The following MYO16 variants were observed in gnomAD, a reference collection of about 807,000 sequenced individuals.
MYO16 encodes unconventional myosin-XVI.
MYO16 carries 94 observed loss-of-function variants against 205.3 expected under a neutral mutation model. The observed-to-expected ratio is 0.46, with a 90% CI of 0.39 to 0.54. The LOEUF is 0.54. Among genes scored for constraint, MYO16 ranks in the 20% least tolerant of loss-of-function variants. MYO16 has a pLI of 0.00. For synonymous variants in MYO16, 988 were observed against 954.0 expected (o/e 1.04, Z -0.66); for missense variants, 2,315 against 2,387.5 (o/e 0.97, Z 0.63).
intron 1 of MYO16, among the ~76,000 whole-genome samples, chr13:108,645,859 C>T (rs758016835): frequency 5.3e-5 from 8 of 152,194 alleles, no homozygotes; most frequent in African/African-American, 1.7e-4. Context: ...GACGCTGGAT[C>T]CACAGAGGAA....
intron 7 of MYO16, among the ~76,000 whole-genome samples, chr13:108,810,161 G>T (rs1252751385): frequency 3.0e-4 from 46 of 152,164 alleles, no homozygotes; most frequent in Non-Finnish European, 2.9e-5. Flanking sequence ...CGCTAGACTT[G>T]CCTTTAATTT....
At chr13:109,205,619 T>G (rs569903149) in intron 34 of MYO16, among the ~76,000 whole-genome samples, 20 of 152,098 alleles carry the variant, frequency 1.3e-4, no homozygotes, top group Non-Finnish European at 2.5e-4. Flanking sequence ...TCCTTAGAAT[T>G]GCCAGAAAAA....
chr13:108,840,773 C>T (rs969641392), intron 9 of MYO16, among the ~76,000 whole-genome samples: 1 of 152,158 alleles, frequency 6.6e-6, no homozygotes, highest in African/African-American at 2.4e-5. Flanking sequence ...TAGACTTAAG[C>T]AATCCTTCTA....
intron 9 of MYO16, among the ~76,000 whole-genome samples, chr13:108,828,950 A>G (rs365370): frequency 0.62 from 93,739 of 152,052 alleles, 29,762 homozygotes; most frequent in Middle Eastern, 0.72. Context: ...CTTAATTTGT[A>G]TCCTTTATGA....
intron 25 of MYO16, chr13:109,054,249 G>A: frequency 6.3e-6 from 2 of 318,184 alleles, no homozygotes; most frequent in Non-Finnish European, 1.3e-5. Flanking sequence ...TTTCTTTTCA[G>A]GGCTGCACAT....
At chr13:108,544,066 CAAAAAA>C in the MYO16 span, among the ~76,000 whole-genome samples, 1 of 51,386 alleles carries the variant, frequency 1.9e-5, no homozygotes, top group Admixed American at 2.1e-4. Context: ...ACTCCGTCTC[CAAAAAA>C]AAAAAAAAAA....
chr13:109,142,396 G>A (rs1027765695), intron 32 of MYO16, among the ~76,000 whole-genome samples: 3 of 151,398 alleles, frequency 2.0e-5, no homozygotes, highest in Non-Finnish European at 2.9e-5. Flanking sequence ...TCCCCCACTC[G>A]CCTCCAGGTG....
chr13:109,043,581 G>A (rs541403252), intron 23 of MYO16, among the ~76,000 whole-genome samples: 1 of 152,262 alleles, frequency 6.6e-6, no homozygotes, highest in Admixed American at 6.5e-5. Context: ...TTGCATTAAA[G>A]TGAGGATGTA....
chr13:109,103,130 GA>G (rs1889022075), intron 28 of MYO16, among the ~76,000 whole-genome samples: 1 of 151,730 alleles, frequency 6.6e-6, no homozygotes, highest in East Asian at 1.9e-4. Context: ...TCTGACAAAG[GA>G]AAAAAAGATT....
the MYO16 span, among the ~76,000 whole-genome samples, chr13:108,567,537 A>G: frequency 6.6e-6 from 1 of 152,324 alleles, no homozygotes; most frequent in East Asian, 1.9e-4. Flanking sequence ...CCTGAAAATT[A>G]CTAACAGAAC....
chr13:108,565,083 A>G, the MYO16 span, among the ~76,000 whole-genome samples: 2 of 152,148 alleles, frequency 1.3e-5, no homozygotes, highest in Non-Finnish European at 2.9e-5. Context: ...GTCACGTAAT[A>G]TGATTACTCC....
Position 108,844,495 on chromosome 13 carries a change from T to C in MYO16, c.1248+2T>C. The C allele has an allele frequency of 6.2e-7, 1 of 1,602,422 alleles. No homozygotes were observed. Among genetic ancestry groups the C allele is most frequent in the Non-Finnish European group, 8.5e-7 (1 of 1,172,294 alleles). On this transcript the variant is annotated splice_donor_variant, in intron 10 of 34. Transcript: ENST00000457511. LOFTEE classifies it high-confidence loss of function. ...AGCGGTTCCACCAAACCCGAGCAGG[T>C]AATCATGCTTTCACTGTGTGTCTAC...
At chr13:108,535,619 G>A in the MYO16 span, among the ~76,000 whole-genome samples, 2 of 152,160 alleles carry the variant, frequency 1.3e-5, no homozygotes, top group Non-Finnish European at 2.9e-5. Flanking sequence ...GGAATCTGTG[G>A]AAAATTTCAT....
At position 109,141,411 on chromosome 13, in the gene MYO16, A is replaced by G; in HGVS notation, c.5164+35A>G. Reference sequence around the variant, plus strand: ...GCAGACATCCCCCCACTCCTTTTGCATGGACGCTGTGCTTGCGTGCACCTG... The same window carrying G: ...GCAGACATCCCCCCACTCCTTTTGCGTGGACGCTGTGCTTGCGTGCACCTG... On this transcript the variant is annotated intron_variant, in intron 32 of 34. Transcript: ENST00000457511. The surrounding 1 kb of genome is among the most constrained non-coding windows in gnomAD (Gnocchi z 4.1). 7.4e-7 allele frequency: 1 copy of G among 1,357,380 alleles called. No homozygotes were observed. Among genetic ancestry groups the G allele is most frequent in the Non-Finnish European group, 9.7e-7 (1 of 1,026,380 alleles). 84.1% of individuals were successfully genotyped at this position (1,357,380 alleles called of 1,614,324 possible). A position where few individuals can be genotyped will look rare whatever the true frequency, so the allele number is the denominator to read the frequency against.
chr13:108,785,610 G>A (rs1476354665), intron 4 of MYO16, 25 bp from the exon 5 acceptor site: 1 of 1,418,124 alleles, frequency 7.1e-7, no homozygotes, highest in African/African-American at 1.4e-5. Flanking sequence ...TATATATGAT[G>A]TTATATTTTT....
In MYO16 at chr13:108,850,668, A is replaced by C. The variant is rs7330740; in HGVS notation, c.1249-4775A>C. Among the ~76,000 whole-genome samples, 475 of 152,092 alleles carry C rather than the reference A, an allele frequency of 3.1e-3. 2 individuals carry two copies. Among genetic ancestry groups the C allele is most frequent in the African/African-American group, 0.01 (426 of 41,476 alleles). Reference sequence around the variant, plus strand: ...CTTTTCTTTCTACTTGTCAGCTGTCACAATGCTTTTGAAATCTATAAAGAA... The same window carrying C: ...CTTTTCTTTCTACTTGTCAGCTGTCCCAATGCTTTTGAAATCTATAAAGAA... On this transcript the variant is annotated intron_variant, in intron 10 of 34. Transcript: ENST00000457511.
intron 16 of MYO16, among the ~76,000 whole-genome samples, chr13:108,915,551 T>C (rs1419711682): frequency 2.0e-5 from 3 of 152,224 alleles, no homozygotes; most frequent in East Asian, 1.9e-4. Flanking sequence ...CCTTTGTATA[T>C]TATACAAACG....
At chr13:108,837,023 G>A (rs903557569) in intron 9 of MYO16, among the ~76,000 whole-genome samples, 3 of 152,142 alleles carry the variant, frequency 2.0e-5, no homozygotes, top group Admixed American at 1.3e-4. Context: ...GGAGGGGCCG[G>A]GGTGAAATGA....
At chr13:109,017,478 G>A (rs1401384653) in intron 22 of MYO16, among the ~76,000 whole-genome samples, 1 of 152,054 alleles carries the variant, frequency 6.6e-6, no homozygotes, top group Non-Finnish European at 1.5e-5. Context: ...TCTTTATGGT[G>A]TTCTCTGTAT....
Sources: gnomAD v4.1 joint callset for allele counts (sites outside exome capture counted in the v4.1 genomes callset) on GRCh38, gnomAD v4.1.1 for gene constraint, Gnocchi (gnomAD v3.1) non-coding constraint, MANE v1.5 for transcripts, NCBI Gene and HGNC (gene_info 2026-07-23, HGNC 2026-07-21) for gene names.